The following KAZN variants were observed in gnomAD, a reference collection of about 807,000 sequenced individuals.
The protein encoded by KAZN is kazrin, periplakin interacting protein.
A neutral mutation model predicts 87.4 loss-of-function variants in KAZN; 40 were observed. The ratio of observed to expected loss-of-function variants is 0.46; its 90% CI spans 0.36 to 0.60. The LOEUF (loss-of-function observed/expected upper bound fraction) is 0.60, where lower values mean the gene tolerates loss of function less well. KAZN is among the 20% of genes least tolerant of loss of function. KAZN has a pLI of 0.00. For missense variants in KAZN, 898 were observed against 1,073.9 expected (o/e 0.84, Z 2.29); for synonymous variants, 466 against 458.3 (o/e 1.02, Z -0.22).
chr1:14,853,664 GCAA>G (rs956669461), intron 1 of KAZN, among the ~76,000 whole-genome samples: 3 of 152,278 alleles, frequency 2.0e-5, no homozygotes, highest in African/African-American at 7.2e-5. Context: ...ATGATCCACT[GCAA>G]CTTAGTGATA....
rs1022185920 is a variant in KAZN, at chr1:15,099,265, C to G, written c.1548-2278C>G. Among the ~76,000 whole-genome samples, 1 of 152,222 alleles carries G rather than the reference C, an allele frequency of 6.6e-6. No homozygotes were observed. The highest frequency in any genetic ancestry group is 1.5e-5 in the Non-Finnish European group (1 of 68,044). On this transcript the variant is annotated intron_variant, in intron 10 of 14. Coordinates refer to ENST00000376030, the MANE Select transcript of KAZN (RefSeq NM_201628.3). This position sits in a 1 kb window ranked among gnomAD's most constrained non-coding sequence, Gnocchi z 5.4. ...ATTCCAGGAAGCATTCAATCAGTGTCTACTGTGCACGTAGACTGTGCTGTT... is the reference window on the plus strand; with the variant it reads ...ATTCCAGGAAGCATTCAATCAGTGTGTACTGTGCACGTAGACTGTGCTGTT...
rs529277894 is a variant in KAZN, at chr1:14,098,031, A to AT, written c.92-82392dup. Among the ~76,000 whole-genome samples the AT allele has an allele frequency of 7.1e-3, 1,044 of 147,542 alleles. 4 individuals carry two copies. Among genetic ancestry groups the AT allele is most frequent in the African/African-American group, 0.014 (554 of 40,564 alleles). ...CTTCACCACAACCTTGGAAGGTAGGATTTTTTTTTTTTATTATCTCCATTT... is the reference window on the plus strand; with the variant it reads ...CTTCACCACAACCTTGGAAGGTAGGATTTTTTTTTTTTTATTATCTCCATTT... On this transcript the variant is annotated intron_variant, in intron 1 of 16. Transcript: ENST00000636203.
chr1:14,668,401 C>T (rs539699163), intron 1 of KAZN, among the ~76,000 whole-genome samples: 53 of 152,064 alleles, frequency 3.5e-4, no homozygotes, highest in African/African-American at 1.3e-3. Context: ...AATTTGGGCC[C>T]GTATCTCAGA....
At chr1:14,654,789 C>T (rs189212384) in intron 1 of KAZN, among the ~76,000 whole-genome samples, 1 of 152,194 alleles carries the variant, frequency 6.6e-6, no homozygotes, top group Non-Finnish European at 1.5e-5. Context: ...CACCTCCAGC[C>T]CACCTGTTGG....
chr1:14,261,767 G>A (rs988227054), intron 2 of KAZN, among the ~76,000 whole-genome samples: 2 of 152,144 alleles, frequency 1.3e-5, no homozygotes, highest in African/African-American at 2.4e-5. Context: ...TCGAGCTGCA[G>A]CTTAAACGAA....
rs563148082 is a variant in KAZN at position 14,732,918 on chromosome 1, G to A, written c.226+133695G>A. Among the ~76,000 whole-genome samples, 176 of 152,146 alleles carry A rather than the reference G, an allele frequency of 1.2e-3. 6 individuals carry two copies. The South Asian group carries it at 0.031, about 27-fold the overall frequency. ...GTGTTCGTTTCAAACTCCTTTAACCGATAGGTATTTTCTGAATGAACAGGG... is the reference window on the plus strand; with the variant it reads ...GTGTTCGTTTCAAACTCCTTTAACCAATAGGTATTTTCTGAATGAACAGGG... On this transcript the variant is annotated intron_variant, in intron 1 of 14. Transcript: ENST00000376030.
chr1:15,046,175 G>A (rs912135725), intron 4 of KAZN, among the ~76,000 whole-genome samples: 1 of 151,974 alleles, frequency 6.6e-6, no homozygotes, highest in Non-Finnish European at 1.5e-5. Context: ...GTGGATGCCT[G>A]TAATCCCAGT....
chr1:14,209,786 T>C (rs1024303773), intron 2 of KAZN, among the ~76,000 whole-genome samples: 2 of 152,220 alleles, frequency 1.3e-5, no homozygotes, highest in African/African-American at 4.8e-5. Flanking sequence ...TGGCTATGTA[T>C]ACCCATGCAA....
At position 15,069,190 on chromosome 1, in the gene KAZN, T is replaced by C. The variant is rs1639397397; in HGVS notation, c.1222+3437T>C. On this transcript the variant is annotated intron_variant, in intron 8 of 14. Coordinates refer to ENST00000376030, the MANE Select transcript of KAZN (RefSeq NM_201628.3). ...CCCTACTCCCCTCTCCCTGGCCCCA[T>C]GCAGACATCACCAATCAATTGAAGA... Among the ~76,000 whole-genome samples, 4 of 152,104 alleles carry C rather than the reference T, an allele frequency of 2.6e-5. No homozygotes were observed. The South Asian group carries it at 8.3e-4, about 32-fold the overall frequency.
chr1:14,407,624 T>C (rs1265607116), intron 2 of KAZN, among the ~76,000 whole-genome samples: 1 of 152,190 alleles, frequency 6.6e-6, no homozygotes, highest in Non-Finnish European at 1.5e-5. Flanking sequence ...GCCAGTTTCC[T>C]GATCTCTCTA....
At chr1:14,255,215 G>T (rs1046970371) in intron 2 of KAZN, among the ~76,000 whole-genome samples, 15 of 151,772 alleles carry the variant, frequency 9.9e-5, no homozygotes, top group Admixed American at 9.2e-4. Flanking sequence ...TTGGGGGGCG[G>T]GTTGCCACAC....
chr1:13,910,085 C>T (rs1188824921), intron 1 of KAZN, among the ~76,000 whole-genome samples: 1 of 152,090 alleles, frequency 6.6e-6, no homozygotes, highest in East Asian at 1.9e-4. Flanking sequence ...TGAATGGTAA[C>T]CCGCAATGTT....
intron 2 of KAZN, among the ~76,000 whole-genome samples, chr1:15,025,177 T>C (rs760697190): frequency 8.5e-5 from 13 of 152,136 alleles, no homozygotes; most frequent in Non-Finnish European, 1.8e-4. Context: ...ATATCACAGG[T>C]TGGGAGTGGA....
At position 14,835,615 on chromosome 1, in the gene KAZN, G is replaced by C. The variant is rs549632930; in HGVS notation, c.227-125069G>C. 5.3e-5 allele frequency among the ~76,000 whole-genome samples: 8 copies of C among 152,300 alleles called. No individual in the cohort carries two copies. The East Asian group carries it at 1.5e-3, about 29-fold the overall frequency. ...ACTGGCCCCAAATTGCACCGTAATA[G>C]AAGAGGCAGAGCTGGGATTTGAACC... On this transcript the variant is annotated intron_variant, in intron 1 of 14. Coordinates refer to ENST00000376030, the MANE Select transcript of KAZN (RefSeq NM_201628.3).
At chr1:14,323,588 A>C (rs1313514158) in intron 2 of KAZN, among the ~76,000 whole-genome samples, 3 of 152,076 alleles carry the variant, frequency 2.0e-5, no homozygotes, top group Non-Finnish European at 4.4e-5. Flanking sequence ...TTTCAAGATA[A>C]AATCTTCCTA....
rs72867342 is a variant in KAZN at position 14,309,544 on chromosome 1, T to C, written c.249+128952T>C. Among the ~76,000 whole-genome samples, 1,108 of 152,306 alleles carry C rather than the reference T, an allele frequency of 7.3e-3. 9 individuals are homozygous for C. The highest frequency in any genetic ancestry group is 0.025 in the African/African-American group (1,037 of 41,564). On this transcript the variant is annotated intron_variant, in intron 2 of 16. Coordinates refer to the KAZN transcript ENST00000636203. ...TGATTCTAATGCTACAGGAATCCAC[T>C]GAAGATGGCATTAATTGATTTTTTT...
rs1159398696 is a variant in KAZN, at chr1:14,766,913, T to C, written c.226+167690T>C. Reference sequence around the variant, plus strand: ...TGCCCTTTAGCTATCGTTCAAGCTATTGGAGCTACAACAGAGAAATATATG... The same window carrying C: ...TGCCCTTTAGCTATCGTTCAAGCTACTGGAGCTACAACAGAGAAATATATG... On this transcript the variant is annotated intron_variant, in intron 1 of 14. Coordinates refer to ENST00000376030, the MANE Select transcript of KAZN (RefSeq NM_201628.3). Among the ~76,000 whole-genome samples, 2 of 151,918 alleles carry C rather than the reference T, an allele frequency of 1.3e-5. 1 individual carries two copies. The highest frequency in any genetic ancestry group is 1.3e-4 in the Admixed American group (2 of 15,248).
intron 2 of KAZN, among the ~76,000 whole-genome samples, chr1:14,324,590 C>G (rs1350565252): frequency 6.6e-6 from 1 of 152,082 alleles, no homozygotes; most frequent in East Asian, 1.9e-4. Context: ...TTTCTTCAAT[C>G]AAAATAAGAC....
At chr1:14,937,002 C>T (rs1660535488) in intron 1 of KAZN, among the ~76,000 whole-genome samples, 1 of 152,154 alleles carries the variant, frequency 6.6e-6, no homozygotes, top group Non-Finnish European at 1.5e-5. Context: ...GTTATCTTCC[C>T]ACCCCGAACT....
Sources: allele counts gnomAD v4.1 joint callset (sites outside exome capture counted in the v4.1 genomes callset), GRCh38; gene constraint gnomAD v4.1.1; non-coding constraint Gnocchi (gnomAD v3.1); transcripts MANE v1.5; gene names NCBI Gene and HGNC (gene_info 2026-07-23, HGNC 2026-07-21).